Variants in KIF1B observed in about 807,000 individuals in gnomAD.
KIF1B encodes the protein kinesin-like protein KIF1B.
Under a neutral mutation model 241.9 loss-of-function variants are expected in KIF1B, and 76 were observed. The ratio of observed to expected loss-of-function variants is 0.31; its 90% CI spans 0.26 to 0.38. The LOEUF (loss-of-function observed/expected upper bound fraction) is 0.38. KIF1B is among the 10% of genes least tolerant of loss of function. The pLI is 1.00. For synonymous variants in KIF1B, 750 were observed against 796.7 expected, an observed-to-expected ratio of 0.94 and a Z score of 0.99; for missense variants, 1,622 against 2,271.4, an observed-to-expected ratio of 0.71 and a Z score of 5.81.
rs374936352 is a variant in KIF1B, at chr1:10,343,302, C to T, written c.3688+15C>T. ...GTCCAAGCCAGGTGAGCACTCGCTC[C>T]GCTTTTTGCATGATGATCTCTTTGT... is the stretch of plus-strand genomic sequence containing the variant. On this transcript the variant is annotated intron_variant, in intron 34 of 48. Transcript: ENST00000676179. 367 of 1,613,092 alleles carry T rather than the reference C, an allele frequency of 2.3e-4. No homozygotes were observed. The highest frequency in any genetic ancestry group is 2.9e-4 in the Non-Finnish European group (343 of 1,179,170).
In KIF1B at chr1:10,315,273, G is replaced by T. The variant is rs545794194; in HGVS notation, c.2116-4770G>T. Among the ~76,000 whole-genome samples the T allele has an allele frequency of 2.0e-5, 3 of 148,342 alleles. No individual in the cohort carries two copies. The South Asian group carries it at 6.3e-4, about 31-fold the overall frequency. On this transcript the variant is annotated intron_variant, in intron 22 of 48. Transcript: ENST00000676179. ...GCTCACTGCAAACTACACCTCCCGGGTTGAAGTGATTCTCCCGCCTCAGCC... is the reference window on the plus strand; with the variant it reads ...GCTCACTGCAAACTACACCTCCCGGTTTGAAGTGATTCTCCCGCCTCAGCC...
intron 10 of KIF1B, among the ~76,000 whole-genome samples, chr1:10,273,709 C>CAAAAAAAAAAAAAAAA (rs56349613): frequency 4.0e-5 from 2 of 49,582 alleles, no homozygotes; most frequent in African/African-American, 1.6e-4. Context: ...TCCTCCTCCT[C>CAAAAAAAAAAAAAAAA]AAAAAAAAAA....
intron 22 of KIF1B, among the ~76,000 whole-genome samples, chr1:10,311,215 C>CTTT (rs201700385): frequency 7.3e-6 from 1 of 136,974 alleles, no homozygotes. Context: ...ACCTCCCATT[C>CTTT]TTTTTTTTTT....
chr1:10,263,020 G>A (rs1225750591), intron 5 of KIF1B, among the ~76,000 whole-genome samples: 1 of 151,956 alleles, frequency 6.6e-6, no homozygotes, highest in African/African-American at 2.4e-5. Flanking sequence ...GCTGTTTTGG[G>A]GCTCATACCT....
chr1:10,301,558 C>T (rs528935804), intron 22 of KIF1B, among the ~76,000 whole-genome samples: 7 of 151,708 alleles, frequency 4.6e-5, no homozygotes, highest in South Asian at 4.2e-4. Context: ...CCCAGCTACT[C>T]GGGAGGCTGA....
At chr1:10,270,752 G>A (rs1367519663) in intron 7 of KIF1B, among the ~76,000 whole-genome samples, 5 of 151,634 alleles carry the variant, frequency 3.3e-5, no homozygotes, top group East Asian at 3.9e-4. Flanking sequence ...GTGAAACCCC[G>A]TCTCTACTAA....
At chr1:10,333,968 T>C (rs1652061279) in intron 27 of KIF1B, among the ~76,000 whole-genome samples, 2 of 151,662 alleles carry the variant, frequency 1.3e-5, no homozygotes, top group African/African-American at 4.8e-5. Context: ...CTGGCCAACA[T>C]GGTGAAACCC....
rs1047922010 is a variant in KIF1B, at chr1:10,313,457, C to T, written c.2116-6586C>T. Among the ~76,000 whole-genome samples the T allele has an allele frequency of 3.0e-4, 46 of 150,960 alleles. 1 individual carries two copies. Among genetic ancestry groups the T allele is most frequent in the African/African-American group, 1.0e-3 (42 of 40,606 alleles). On this transcript the variant is annotated intron_variant, in intron 22 of 48. Transcript: ENST00000676179. Reference sequence around the variant, plus strand: ...CCTGATACAAAATAAGCTTAAAAACCGGGGTAGATAGGTAGGAGAGAACAT... The same window carrying T: ...CCTGATACAAAATAAGCTTAAAAACTGGGGTAGATAGGTAGGAGAGAACAT...
chr1:10,351,740 A>T (rs1652800287), intron 37 of KIF1B, among the ~76,000 whole-genome samples: 1 of 152,142 alleles, frequency 6.6e-6, no homozygotes, highest in African/African-American at 2.4e-5. Flanking sequence ...CCAAGGCAGG[A>T]GGATCGTTTG....
chr1:10,243,609 C>T (rs1647167844), intron 2 of KIF1B, among the ~76,000 whole-genome samples: 1 of 152,188 alleles, frequency 6.6e-6, no homozygotes, highest in Non-Finnish European at 1.5e-5. Context: ...TATTGGCTGT[C>T]TTGCCTGGGC....
At chr1:10,285,956 C>G (rs189937266) in intron 15 of KIF1B, among the ~76,000 whole-genome samples, 1 of 152,072 alleles carries the variant, frequency 6.6e-6, no homozygotes, top group African/African-American at 2.4e-5. Flanking sequence ...TGATTGGATA[C>G]TGTTTTTACA....
intron 12 of KIF1B, among the ~76,000 whole-genome samples, chr1:10,276,790 G>A (rs1429241892): frequency 4.6e-5 from 7 of 152,142 alleles, no homozygotes; most frequent in African/African-American, 1.2e-4. Flanking sequence ...TTATAGAAAT[G>A]CTGAAGTCGG....
chr1:10,305,360 T>C (rs1650778193), intron 22 of KIF1B: 1 of 1,051,182 alleles, frequency 9.5e-7, no homozygotes. Context: ...TGGCACTGTG[T>C]CTGGGATTCT....
At chr1:10,277,892 A>G in intron 12 of KIF1B, 94 bp from the exon 13 acceptor site, 1 of 1,112,316 alleles carries the variant, frequency 9.0e-7, no homozygotes, top group Non-Finnish European at 1.3e-6. Flanking sequence ...AAATGTAAAC[A>G]CTCAGGATAT....
chr1:10,272,421 C>T (rs779974932), intron 9 of KIF1B, 115 bp downstream of exon 9: 2 of 759,564 alleles, frequency 2.6e-6, no homozygotes, highest in Non-Finnish European at 4.8e-6. Flanking sequence ...TGTAATCTTG[C>T]CTTTCTCCTT....
chr1:10,356,865 A>G (rs1037989650), intron 38 of KIF1B, among the ~76,000 whole-genome samples: 1 of 151,722 alleles, frequency 6.6e-6, no homozygotes, highest in Non-Finnish European at 1.5e-5. Context: ...GTGCCACTAC[A>G]CTCCAGCCTG....
intron 2 of KIF1B, among the ~76,000 whole-genome samples, chr1:10,246,383 G>C (rs988600465): frequency 5.3e-5 from 8 of 152,264 alleles, no homozygotes; most frequent in Admixed American, 5.2e-4. Flanking sequence ...GTCAAGATAA[G>C]TACTGCAATA....
chr1:10,379,259 G>A lies in KIF1B; in HGVS notation c.*2672G>A. 4.3e-6 allele frequency: 1 copy of A among 231,730 alleles called. No homozygotes were observed. The allele number at this position is 231,730 out of a possible 1,614,324, so 14.4% of individuals were successfully genotyped here. A position where few individuals can be genotyped will look rare whatever the true frequency, so the allele number is the denominator to read the frequency against. ...TTTTCTTCTAACTCATACAAAACTG[G>A]TTTGGAAAGTCTTTGCTTTGGAAGC... On this transcript the variant is annotated 3_prime_UTR_variant, in exon 49 of 49. Coordinates refer to ENST00000676179, the MANE Select transcript of KIF1B (RefSeq NM_001365951.3).
At chr1:10,245,121 A>G (rs902910450) in intron 2 of KIF1B, among the ~76,000 whole-genome samples, 1 of 152,224 alleles carries the variant, frequency 6.6e-6, no homozygotes, top group South Asian at 2.1e-4. Context: ...ACACTGAGAT[A>G]TTAGATAAAT....
Sources: gnomAD v4.1 joint callset for allele counts (sites outside exome capture counted in the v4.1 genomes callset) on GRCh38, gnomAD v4.1.1 for gene constraint, MANE v1.5 for transcripts, NCBI Gene and HGNC (gene_info 2026-07-23, HGNC 2026-07-21) for gene names.